Variants in SSBP2 observed in about 807,000 individuals in gnomAD.
SSBP2 encodes the protein single stranded DNA binding protein 2.
In SSBP2, 17 loss-of-function variants were observed where a neutral mutation model predicts 61.8. The observed-to-expected ratio is 0.28, with a 90% CI of 0.19 to 0.41. The LOEUF is 0.41. SSBP2 is among the 10% of genes least tolerant of loss of function. The pLI is 1.00. For missense variants in SSBP2, 310 were observed against 458.7 expected (o/e 0.68, Z 2.96); for synonymous variants, 139 against 141.3 (o/e 0.98, Z 0.12).
At chr5:81,499,350 C>T (rs988627255) in intron 5 of SSBP2, among the ~76,000 whole-genome samples, 3 of 152,120 alleles carry the variant, frequency 2.0e-5, no homozygotes, top group Admixed American at 6.6e-5. Context: ...GTCTAAGCAT[C>T]AATATTGGCC....
intron 1 of SSBP2, among the ~76,000 whole-genome samples, chr5:81,676,504 C>G (rs141103798): frequency 6.6e-6 from 1 of 152,296 alleles, no homozygotes; most frequent in East Asian, 1.9e-4. Context: ...GTAACACATT[C>G]ATGTTGAAAC....
chr5:81,558,648 G>T (rs918079980), intron 4 of SSBP2, among the ~76,000 whole-genome samples: 2 of 152,304 alleles, frequency 1.3e-5, no homozygotes, highest in East Asian at 3.9e-4. Flanking sequence ...AAACATAGTG[G>T]TATTCTTTTA....
intron 3 of SSBP2, among the ~76,000 whole-genome samples, chr5:81,632,866 CCTT>C (rs905507481): frequency 2.6e-5 from 4 of 152,168 alleles, no homozygotes; most frequent in African/African-American, 9.7e-5. Flanking sequence ...CCACTTCCTA[CCTT>C]CACAGTCACT....
At position 81,420,045 on chromosome 5, in the gene SSBP2, A is replaced by G. The variant is rs1194568750; in HGVS notation, c.*459T>C. On this transcript the variant is annotated 3_prime_UTR_variant, in exon 17 of 17. Transcript: ENST00000320672. ...AATAACTTATATAAAGCAGTGATAT[A>G]CACAGCACAAAATAGTTCAGGGAGG... The G allele has an allele frequency of 6.4e-6, 1 of 155,270 alleles. No homozygotes were observed. The highest frequency in any genetic ancestry group is 1.4e-5 in the Non-Finnish European group (1 of 69,976). 9.6% of individuals were successfully genotyped at this position (155,270 alleles called of 1,614,324 possible).
chr5:81,664,340 G>A (rs993438975), intron 1 of SSBP2, among the ~76,000 whole-genome samples: 1 of 151,792 alleles, frequency 6.6e-6, no homozygotes, highest in African/African-American at 2.4e-5. Context: ...ATGTTGGCCA[G>A]GCTGGTCTTC....
At chr5:81,492,931 A>G (rs983746670) in intron 5 of SSBP2, among the ~76,000 whole-genome samples, 3 of 152,138 alleles carry the variant, frequency 2.0e-5, no homozygotes, top group Non-Finnish European at 4.4e-5. Flanking sequence ...TAATGTAGAT[A>G]GCTATAAATA....
chr5:81,497,217 T>C (rs1157100715), intron 5 of SSBP2, among the ~76,000 whole-genome samples: 2 of 152,174 alleles, frequency 1.3e-5, no homozygotes, highest in Non-Finnish European at 2.9e-5. Context: ...TTTAAGGGAA[T>C]AGTAGAGGAT....
chr5:81,528,764 A>C (rs1770156038), intron 4 of SSBP2, among the ~76,000 whole-genome samples: 1 of 152,110 alleles, frequency 6.6e-6, no homozygotes. Context: ...AGGCATTAGT[A>C]GATACAAAGA....
At chr5:81,560,387 A>C (rs1469755150) in intron 4 of SSBP2, among the ~76,000 whole-genome samples, 1 of 151,720 alleles carries the variant, frequency 6.6e-6, no homozygotes, top group Non-Finnish European at 1.5e-5. Context: ...GGGTTGCAGG[A>C]AAAAAAAAGA....
chr5:81,514,930 G>A (rs1768898924), intron 4 of SSBP2, among the ~76,000 whole-genome samples: 1 of 151,760 alleles, frequency 6.6e-6, no homozygotes, highest in South Asian at 2.1e-4. Context: ...TTTCTGATAA[G>A]GCATATGAAT....
At chr5:81,689,585 C>T (rs1330173808) in intron 1 of SSBP2, among the ~76,000 whole-genome samples, 2 of 151,046 alleles carry the variant, frequency 1.3e-5, no homozygotes. Flanking sequence ...AAAAAAAAAA[C>T]TTCTAGAATA....
chr5:81,649,066 A>G (rs1014665775), intron 2 of SSBP2, among the ~76,000 whole-genome samples: 3 of 152,110 alleles, frequency 2.0e-5, no homozygotes, highest in Non-Finnish European at 4.4e-5. Flanking sequence ...CAGCACAGAT[A>G]TAGAGGAAAA....
chr5:81,698,349 T>C (rs543532984), intron 1 of SSBP2, among the ~76,000 whole-genome samples: 1 of 152,372 alleles, frequency 6.6e-6, no homozygotes, highest in Non-Finnish European at 1.5e-5. Flanking sequence ...CCTATTTTCA[T>C]ATTTTTTAAT....
chr5:81,722,202 T>C (rs1393424281), intron 1 of SSBP2, among the ~76,000 whole-genome samples: 1 of 152,032 alleles, frequency 6.6e-6, no homozygotes. Context: ...GGCTTACATC[T>C]GAATTAAGCA....
At chr5:81,490,652 T>TGAC in intron 5 of SSBP2, among the ~76,000 whole-genome samples, 1 of 152,214 alleles carries the variant, frequency 6.6e-6, no homozygotes, top group Non-Finnish European at 1.5e-5. Context: ...CTACTCAGGT[T>TGAC]TTCCAGAGCT....
At chr5:81,692,929 G>C (rs1753314275) in intron 1 of SSBP2, among the ~76,000 whole-genome samples, 1 of 152,142 alleles carries the variant, frequency 6.6e-6, no homozygotes, top group Non-Finnish European at 1.5e-5. Flanking sequence ...GAGGAGGCCA[G>C]GTGTGGTGGC....
At chr5:81,608,557 AT>A (rs1342177338) in intron 4 of SSBP2, among the ~76,000 whole-genome samples, 8 of 152,212 alleles carry the variant, frequency 5.3e-5, no homozygotes, top group Non-Finnish European at 1.2e-4. Flanking sequence ...CTAAATTTTC[AT>A]GGTTAAACCA....
intron 3 of SSBP2, among the ~76,000 whole-genome samples, chr5:81,626,322 C>T (rs1197286044): frequency 2.0e-5 from 3 of 152,126 alleles, no homozygotes; most frequent in East Asian, 1.9e-4. Flanking sequence ...GCATCATATA[C>T]GAAGTATCAC....
chr5:81,474,016 C>T (rs1285526398), intron 7 of SSBP2, among the ~76,000 whole-genome samples: 1 of 152,152 alleles, frequency 6.6e-6, no homozygotes, highest in Non-Finnish European at 1.5e-5. Flanking sequence ...GCATTTGCTC[C>T]TCTTCCCATG....
Sources: allele counts gnomAD v4.1 joint callset (sites outside exome capture counted in the v4.1 genomes callset), GRCh38; gene constraint gnomAD v4.1.1; transcripts MANE v1.5; gene names NCBI Gene and HGNC (gene_info 2026-07-23, HGNC 2026-07-21).